The following SPIDR variants were observed in gnomAD, a reference collection of about 807,000 sequenced individuals.
The protein encoded by SPIDR is scaffold protein involved in DNA repair.
Under a neutral mutation model 104.6 loss-of-function variants are expected in SPIDR, and 93 were observed. That is an observed-to-expected ratio of 0.89 (90% CI 0.75 to 1.06). The LOEUF (loss-of-function observed/expected upper bound fraction) is 1.06. SPIDR is among the 50% of genes least tolerant of loss of function. The pLI, the probability that SPIDR is intolerant of heterozygous loss-of-function variation, is 0.00. For missense variants in SPIDR, 1,154 were observed against 1,111.2 expected (o/e 1.04, Z -0.55); for synonymous variants, 431 against 416.9 (o/e 1.03, Z -0.41).
chr8:47,525,039 C>G (rs1393832766), intron 8 of SPIDR, among the ~76,000 whole-genome samples: 1 of 152,196 alleles, frequency 6.6e-6, no homozygotes, highest in Non-Finnish European at 1.5e-5. Context: ...GGATTTCCTG[C>G]TAGTTCTGAT....
At chr8:47,334,428 T>A (rs1554606970) in intron 5 of SPIDR, among the ~76,000 whole-genome samples, 1 of 152,228 alleles carries the variant, frequency 6.6e-6, no homozygotes, top group Admixed American at 6.5e-5. Context: ...TTTTACTTTA[T>A]GTTAACACTC....
intron 7 of SPIDR, among the ~76,000 whole-genome samples, chr8:47,426,040 C>T (rs1377673092): frequency 6.7e-6 from 1 of 149,216 alleles, no homozygotes; most frequent in Non-Finnish European, 1.5e-5. Context: ...GTCAGGAGTT[C>T]AAGACCAGCC....
intron 14 of SPIDR, among the ~76,000 whole-genome samples, chr8:47,708,247 C>A (rs1007625929): frequency 2.0e-5 from 3 of 152,184 alleles, no homozygotes; most frequent in Non-Finnish European, 4.4e-5. Flanking sequence ...TGCAGTGAGC[C>A]GAAATTGTGC....
chr8:47,339,976 G>A (rs1198606595), intron 5 of SPIDR, among the ~76,000 whole-genome samples: 1 of 152,124 alleles, frequency 6.6e-6, no homozygotes, highest in Non-Finnish European at 1.5e-5. Flanking sequence ...ACCGCGCCTG[G>A]ACTGTTTACA....
intron 8 of SPIDR, among the ~76,000 whole-genome samples, chr8:47,587,073 A>G (rs1342055472): frequency 6.6e-6 from 1 of 152,058 alleles, no homozygotes; most frequent in Non-Finnish European, 1.5e-5. Flanking sequence ...CTCGGCCTCA[A>G]GTTCATTTTA....
At chr8:47,598,425 A>G (rs2061871524) in intron 9 of SPIDR, among the ~76,000 whole-genome samples, 3 of 152,130 alleles carry the variant, frequency 2.0e-5, no homozygotes, top group Non-Finnish European at 4.4e-5. Context: ...TATAGGAAGC[A>G]CTCTAGAAGT....
intron 5 of SPIDR, among the ~76,000 whole-genome samples, chr8:47,366,675 G>T (rs138490939): frequency 2.6e-5 from 4 of 152,322 alleles, no homozygotes; most frequent in African/African-American, 9.6e-5. Flanking sequence ...AGAAATCTGA[G>T]AAAGGGGGAG....
chr8:47,443,571 C>CAAA (rs782463880), intron 8 of SPIDR, among the ~76,000 whole-genome samples: 10 of 30,070 alleles, frequency 3.3e-4, no homozygotes, highest in African/African-American at 9.0e-4. Flanking sequence ...ACCCTGTCGC[C>CAAA]AAAAAAAAAA....
At chr8:47,627,252 C>T (rs894208308) in intron 10 of SPIDR, among the ~76,000 whole-genome samples, 31 of 151,634 alleles carry the variant, frequency 2.0e-4, no homozygotes, top group African/African-American at 2.4e-4. Context: ...GTGGCGGGAG[C>T]GGGGAGGGAT....
chr8:47,592,226 G>T, intron 8 of SPIDR: 1 of 1,316,850 alleles, frequency 7.6e-7, no homozygotes, highest in Non-Finnish European at 1.1e-6. Context: ...CCACTGCTCT[G>T]CTACATCATT....
intron 10 of SPIDR, among the ~76,000 whole-genome samples, chr8:47,636,770 C>T (rs961014310): frequency 1.3e-5 from 2 of 150,116 alleles, no homozygotes; most frequent in Admixed American, 6.7e-5. Flanking sequence ...GAGCCATGAT[C>T]GTACCACTGC....
At chr8:47,562,823 TC>T (rs1200217303) in intron 8 of SPIDR, among the ~76,000 whole-genome samples, 2 of 152,080 alleles carry the variant, frequency 1.3e-5, no homozygotes, top group Admixed American at 1.3e-4. Flanking sequence ...CCACCCTTCA[TC>T]CCCGCCAAAC....
intron 5 of SPIDR, among the ~76,000 whole-genome samples, chr8:47,347,311 A>G (rs1372130140): frequency 6.6e-6 from 1 of 152,160 alleles, no homozygotes; most frequent in Non-Finnish European, 1.5e-5. Flanking sequence ...GGTCTGAGAG[A>G]CAGTTTGTTA....
chr8:47,671,317 G>A (rs913334436), intron 10 of SPIDR, among the ~76,000 whole-genome samples: 1 of 152,096 alleles, frequency 6.6e-6, no homozygotes, highest in African/African-American at 2.4e-5. Context: ...AGGCGGGGTG[G>A]CTCACGCCTG....
Position 47,396,371 on chromosome 8 carries a change from T to C in SPIDR, c.526-5T>C, listed in dbSNP as rs201866039. 729 of 1,584,304 alleles carry C rather than the reference T, an allele frequency of 4.6e-4. 2 individuals are homozygous for C. The highest frequency in any genetic ancestry group is 2.3e-3 in the Middle Eastern group (14 of 5,962). On this transcript the variant is annotated splice_polypyrimidine_tract_variant and splice_region_variant and intron_variant, in intron 5 of 19. Transcript: ENST00000297423. ...AAATATGCCTTTCTTTTAATTTTTT[T>C]TCAGCCAAGTTCTATAGAAATTTTA...
chr8:47,356,627 T>C (rs1375669548), intron 5 of SPIDR, among the ~76,000 whole-genome samples: 1 of 152,208 alleles, frequency 6.6e-6, no homozygotes, highest in African/African-American at 2.4e-5. Flanking sequence ...AAAGCTGAAG[T>C]GTCCCATGGG....
intron 8 of SPIDR, among the ~76,000 whole-genome samples, chr8:47,519,123 TTTGTTGTTGTTGTTGTTG>T (rs371410579): frequency 6.6e-6 from 1 of 150,982 alleles, no homozygotes; most frequent in Non-Finnish European, 1.5e-5. Context: ...GGCTATGTGT[TTTGTTGTTGTTGTTGTTG>T]TTGTTGTTGT....
At chr8:47,691,798 G>A (rs1418826685) in intron 11 of SPIDR, among the ~76,000 whole-genome samples, 2 of 152,182 alleles carry the variant, frequency 1.3e-5, no homozygotes, top group South Asian at 4.1e-4. Flanking sequence ...GCACACCGGG[G>A]GTTACATGGA....
At chr8:47,433,463 T>C (rs1372105835) in intron 7 of SPIDR, among the ~76,000 whole-genome samples, 1 of 125,132 alleles carries the variant, frequency 8.0e-6, no homozygotes, top group Non-Finnish European at 1.7e-5. Context: ...TCTTTTTCCC[T>C]GCCCAGGCTC....
Sources: allele counts gnomAD v4.1 joint callset (sites outside exome capture counted in the v4.1 genomes callset), GRCh38; gene constraint gnomAD v4.1.1; transcripts MANE v1.5; gene names NCBI Gene and HGNC (gene_info 2026-07-23, HGNC 2026-07-21).